DNAJC13: variants seen among roughly 807,000 people sequenced by gnomAD.
The protein encoded by DNAJC13 is DnaJ heat shock protein family (Hsp40) member C13, also known as dnaJ homolog subfamily C member 13.
In DNAJC13, 75 loss-of-function variants were observed where a neutral mutation model predicts 290.5. That is an observed-to-expected ratio of 0.26 (90% CI 0.21 to 0.31). The LOEUF is 0.31. Ranked by LOEUF, DNAJC13 falls within the 10% of genes least tolerant of loss-of-function variation. The pLI is 1.00. For missense variants in DNAJC13, 2,260 were observed against 2,674.5 expected (o/e 0.85, Z 3.42); for synonymous variants, 862 against 892.0 (o/e 0.97, Z 0.60).
Position 132,528,281 on chromosome 3 carries a change from G to C in DNAJC13, c.6474G>C (p.Gln2158His). The C allele has an allele frequency of 6.2e-7, 1 of 1,614,200 alleles. No homozygotes were observed. The stretch of plus-strand genomic sequence containing the variant: ...ACAGCCCAGCAGCCACTAAGGCTCA[G>C]ATTGTTAAAGCTCTCAAGGCAATGA... ...NLDSPAATKA[Q>H]IVKALKAMTR... is the part of the protein sequence containing the mutation. Residue 2158 changes from glutamine to histidine, a missense_variant, in exon 54 of 56, where the codon CAG (glutamine) becomes CAC (histidine). Gln to His is a conservative substitution (Grantham distance 24). Coordinates refer to ENST00000260818, the MANE Select transcript of DNAJC13 (RefSeq NM_015268.4).
intron 36 of DNAJC13, among the ~76,000 whole-genome samples, chr3:132,497,273 A>G (rs1294567200): frequency 2.6e-5 from 4 of 152,220 alleles, no homozygotes; most frequent in African/African-American, 9.6e-5. Flanking sequence ...TAACAGTAGC[A>G]GTCAGAAAGC....
At position 132,482,341 on chromosome 3, in the gene DNAJC13, T is replaced by C; in HGVS notation, c.2979+11T>C. On this transcript the variant is annotated intron_variant, in intron 27 of 55. Coordinates refer to ENST00000260818, the MANE Select transcript of DNAJC13 (RefSeq NM_015268.4). The stretch of plus-strand genomic sequence containing the variant: ...TATGGATTTCATGAGGTATGTATCT[T>C]GGAGATACTTTTGGTGAAGGTCTCA... 6.2e-7 allele frequency: 1 copy of C among 1,605,814 alleles called. No homozygotes were observed. The highest frequency in any genetic ancestry group is 1.1e-5 in the South Asian group (1 of 90,566).
chr3:132,453,628 A>G lies in DNAJC13; in HGVS notation c.774A>G (p.Thr258=), dbSNP rs751616278. ...SEPVKRVLAL[T]ETCLVERDPA... is the part of the protein sequence containing the mutation. ...CTGTTAAAAGAGTTCTAGCACTTAC[A>G]GAAACATGTTTAGTAGAACGTGATC... is the stretch of plus-strand genomic sequence containing the variant. The change falls in exon 8 of 56, where the codon ACA becomes ACG. Residue 258 remains threonine, a synonymous_variant. Transcript: ENST00000260818. 8.7e-6 allele frequency: 14 copies of G among 1,613,342 alleles called. No individual in the cohort carries two copies. In the South Asian group the frequency reaches 1.4e-4, roughly 16 times the overall value.
intron 3 of DNAJC13, 151 bp downstream of exon 3, chr3:132,446,701 T>TG (rs1487839947): frequency 1.9e-6 from 1 of 531,226 alleles, no homozygotes; most frequent in Non-Finnish European, 3.3e-6. Flanking sequence ...TACTCTGATT[T>TG]GGGGACCAAA....
chr3:132,448,791 A>G (rs778133048), intron 5 of DNAJC13, among the ~76,000 whole-genome samples: 4 of 152,026 alleles, frequency 2.6e-5, no homozygotes, highest in Non-Finnish European at 5.9e-5. Flanking sequence ...AACTCTAGCA[A>G]TTGGCTGGTT....
At chr3:132,422,259 A>T (rs192402902) in intron 1 of DNAJC13, among the ~76,000 whole-genome samples, 1 of 150,816 alleles carries the variant, frequency 6.6e-6, no homozygotes, top group African/African-American at 2.4e-5. Flanking sequence ...CTAGTCTCAA[A>T]CTCCTGAGCT....
In DNAJC13 at chr3:132,513,076, C is replaced by A; in HGVS notation, c.5362C>A (p.Gln1788Lys). The A allele has an allele frequency of 1.2e-6, 2 of 1,613,308 alleles. No homozygotes were observed. Among genetic ancestry groups the A allele is most frequent in the South Asian group, 2.2e-5 (2 of 91,030 alleles). The change falls in exon 45 of 56, where the codon CAA (glutamine) becomes AAA (lysine). Residue 1788 changes from glutamine (Q) to lysine (K), a missense_variant. Gln to Lys is a moderately conservative substitution (Grantham distance 53, BLOSUM62 1). Around this residue, in one of 3 missense-constraint regions of DNAJC13, gnomAD observed 1,494 missense variants for 1,693.7 expected, o/e 0.88. Transcript: ENST00000260818. ...TCTTCTCCGAGTTCATGGAGCTGGT[C>A]AAGTGCAGCAGTTGGCTTTAGAGGT... ...FSLLRVHGAG[Q>K]VQQLALEVVN...
chr3:132,432,752 T>C (rs1456086594), intron 1 of DNAJC13, among the ~76,000 whole-genome samples: 1 of 152,212 alleles, frequency 6.6e-6, no homozygotes, highest in Non-Finnish European at 1.5e-5. Flanking sequence ...TCAATGAATA[T>C]TGTACATAAT....
rs1934376154 is a variant in DNAJC13, at chr3:132,474,004, C to G, written c.2291+777C>G. The stretch of plus-strand genomic sequence containing the variant: ...AAGCATATGTGAAACCCATTCATCC[C>G]CAGTTAGACTTGTGCCCAAATGTTT... On this transcript the variant is annotated intron_variant, in intron 21 of 55. Coordinates refer to ENST00000260818, the MANE Select transcript of DNAJC13 (RefSeq NM_015268.4). 2.0e-5 allele frequency among the ~76,000 whole-genome samples: 3 copies of G among 152,250 alleles called. No homozygotes were observed. In the South Asian group the frequency reaches 6.2e-4, roughly 32 times the overall value.
chr3:132,451,389 C>A (rs1222458699), intron 6 of DNAJC13, among the ~76,000 whole-genome samples: 1 of 152,118 alleles, frequency 6.6e-6, no homozygotes, highest in Non-Finnish European at 1.5e-5. Context: ...AATCTGAAAT[C>A]TGAGTATGCA....
At chr3:132,483,201 T>A (rs78831104) in intron 27 of DNAJC13, among the ~76,000 whole-genome samples, 174 bp from the exon 28 acceptor site, 2 of 152,144 alleles carry the variant, frequency 1.3e-5, no homozygotes, top group African/African-American at 4.8e-5. Context: ...GGTTTTTTTT[T>A]GTATTAACCA....
intron 25 of DNAJC13, among the ~76,000 whole-genome samples, chr3:132,479,774 A>G (rs934694607): frequency 6.6e-6 from 1 of 152,152 alleles, no homozygotes; most frequent in Admixed American, 6.5e-5. Flanking sequence ...AGAGGAATTC[A>G]CAGTTGTAAT....
At position 132,507,211 on chromosome 3, in the gene DNAJC13, A is replaced by C. The variant is rs759304334; in HGVS notation, c.4999-26A>C. 2.2e-6 allele frequency: 3 copies of C among 1,354,670 alleles called. No individual in the cohort carries two copies. In the Admixed American group the frequency reaches 5.1e-5, roughly 23 times the overall value. 83.9% of individuals were successfully genotyped at this position (1,354,670 alleles called of 1,614,324 possible). ...GAACATGGATAGATTTACATCTAAC[A>C]GTCTATTTTTTCATCTTTTAAAAAG... On this transcript the variant is annotated intron_variant, in intron 42 of 55. Transcript: ENST00000260818.
chr3:132,467,122 A>C, intron 19 of DNAJC13, 48 bp from the exon 20 acceptor site: 1 of 1,573,910 alleles, frequency 6.4e-7, no homozygotes, highest in Non-Finnish European at 8.6e-7. Flanking sequence ...AGAGTTTTAA[A>C]ATAAATTTGC....
chr3:132,431,339 A>G (rs3860499), intron 1 of DNAJC13, among the ~76,000 whole-genome samples: 78,153 of 151,954 alleles, frequency 0.51, 22,805 homozygotes, highest in African/African-American at 0.81. Context: ...GGGAAAAACA[A>G]GAGTAAGAGG....
chr3:132,473,034 G>T, intron 20 of DNAJC13, 111 bp from the exon 21 acceptor site: 1 of 716,038 alleles, frequency 1.4e-6, no homozygotes, highest in Non-Finnish European at 2.4e-6. Flanking sequence ...TTTTGTTTCT[G>T]TCAAAATTTG....
At chr3:132,510,793 A>C (rs555788836) in intron 43 of DNAJC13, among the ~76,000 whole-genome samples, 1 of 152,248 alleles carries the variant, frequency 6.6e-6, no homozygotes, top group African/African-American at 2.4e-5. Flanking sequence ...GTATCATACT[A>C]TCTGTTACTT....
chr3:132,513,134 C>A, intron 45 of DNAJC13, 35 bp downstream of exon 45: 1 of 1,519,950 alleles, frequency 6.6e-7, no homozygotes, highest in Admixed American at 1.7e-5. Flanking sequence ...TGTTGCCTTT[C>A]CTACCACTTA....
chr3:132,455,459 A>G (rs1442445413), intron 9 of DNAJC13, among the ~76,000 whole-genome samples: 2 of 152,248 alleles, frequency 1.3e-5, no homozygotes, highest in Non-Finnish European at 2.9e-5. Flanking sequence ...ACACATACTT[A>G]TATGGTCTAG....
Sources: allele counts gnomAD v4.1 joint callset (sites outside exome capture counted in the v4.1 genomes callset), GRCh38; gene constraint gnomAD v4.1.1; regional missense constraint gnomAD v4.1.1; transcripts MANE v1.5; gene names NCBI Gene and HGNC (gene_info 2026-07-23, HGNC 2026-07-21).